Variants in GINM1 observed in about 807,000 individuals in gnomAD.
The protein encoded by GINM1 is glycosylated integral membrane protein 1.
GINM1 carries 29 observed loss-of-function variants against 37.8 expected under a neutral mutation model. The ratio of observed to expected loss-of-function variants is 0.77; its 90% confidence interval spans 0.57 to 1.05. The LOEUF is 1.05. GINM1 is among the 50% of genes least tolerant of loss of function. The pLI, the probability that GINM1 is intolerant of heterozygous loss-of-function variation, is 0.00. For missense variants in GINM1, 377 were observed against 397.9 expected (o/e 0.95, Z 0.45); for synonymous variants, 143 against 146.2 (o/e 0.98, Z 0.16).
At chr6:149,589,183 GTCC>G (rs901913574) in intron 7 of GINM1, among the ~76,000 whole-genome samples, 1 of 151,944 alleles carries the variant, frequency 6.6e-6, no homozygotes, top group Non-Finnish European at 1.5e-5. Flanking sequence ...GGCCCAAGCA[GTCC>G]TCCTGCTTCA....
At chr6:149,572,172 A>T (rs1777836643) in intron 1 of GINM1, 113 bp from the exon 2 acceptor site, 1 of 537,784 alleles carries the variant, frequency 1.9e-6, no homozygotes, top group Non-Finnish European at 3.3e-6. Context: ...AACTCTCTTA[A>T]TGCTGTTATA....
At chr6:149,585,063 A>AGG (rs1317096556) in intron 7 of GINM1, among the ~76,000 whole-genome samples, 2 of 152,146 alleles carry the variant, frequency 1.3e-5, no homozygotes, top group Non-Finnish European at 2.9e-5. Context: ...AAAATTCTGT[A>AGG]GTTTAACAGA....
chr6:149,589,378 T>C (rs1189084671), intron 7 of GINM1, among the ~76,000 whole-genome samples: 2 of 152,008 alleles, frequency 1.3e-5, no homozygotes, highest in African/African-American at 4.8e-5. Context: ...GGTCAAGAGA[T>C]TCTCCTGCCT....
chr6:149,584,249 C>T (rs193229317), intron 7 of GINM1, among the ~76,000 whole-genome samples: 1 of 152,286 alleles, frequency 6.6e-6, no homozygotes, highest in Admixed American at 6.5e-5. Context: ...TCCCAAAATG[C>T]TGGGATTACA....
At chr6:149,574,448 G>A (rs1483843255) in intron 3 of GINM1, among the ~76,000 whole-genome samples, 1 of 152,120 alleles carries the variant, frequency 6.6e-6, no homozygotes, top group Non-Finnish European at 1.5e-5. Context: ...CCTCCTTCTT[G>A]TTTCCTCTTT....
chr6:149,567,677 T>G (rs1777743085), intron 1 of GINM1, among the ~76,000 whole-genome samples: 2 of 152,128 alleles, frequency 1.3e-5, no homozygotes, highest in African/African-American at 4.8e-5. Context: ...GTTAACGTTT[T>G]AGGATAATGA....
chr6:149,577,473 C>T (rs117713512), intron 3 of GINM1: 2,290 of 153,110 alleles, frequency 0.015, 18 homozygotes, highest in Non-Finnish European at 0.024. Context: ...GTGAGAGGAC[C>T]GGGAACTTCA....
chr6:149,577,789 A>G (rs1777936394), intron 3 of GINM1, among the ~76,000 whole-genome samples: 1 of 152,196 alleles, frequency 6.6e-6, no homozygotes. Context: ...AAAATGCTCC[A>G]TCTGTGACAG....
chr6:149,581,489 A>C (rs1407881289), intron 6 of GINM1, among the ~76,000 whole-genome samples: 1 of 152,050 alleles, frequency 6.6e-6, no homozygotes, highest in African/African-American at 2.4e-5. Flanking sequence ...CCGTACTCCC[A>C]CTTTGGGGCA....
In GINM1 at chr6:149,579,983, CA is replaced by C; in HGVS notation, c.585del (p.Glu196LysfsTer21). On this transcript the variant is annotated frameshift_variant, in exon 5 of 8. Transcript: ENST00000367419. LOFTEE classifies it high-confidence loss of function. Reference protein sequence around the residue: ...DILFTLPNLSKKESVSSLQTT... With the variant: ...DILFTLPNLSXKESVSSLQTT... Reference sequence around the variant, plus strand: ...TTTTATTTACCCTTCCTAACCTCTCCAAAAAAGGTAACTTAAAAGACCATTA... The same window carrying C: ...TTTTATTTACCCTTCCTAACCTCTCCAAAAAGGTAACTTAAAAGACCATTA... 1.3e-6 allele frequency: 2 copies of C among 1,572,236 alleles called. No individual in the cohort carries two copies. The highest frequency in any genetic ancestry group is 1.7e-6 in the Non-Finnish European group (2 of 1,160,080).
Position 149,582,166 on chromosome 6 carries a change from T to C in GINM1, c.718-274T>C, listed in dbSNP as rs1010747598. 1.3e-5 allele frequency: 7 copies of C among 528,768 alleles called. No homozygotes were observed. In the East Asian group the frequency reaches 2.0e-4, roughly 15 times the overall value. 32.8% of individuals were successfully genotyped at this position (528,768 alleles called of 1,614,324 possible). On this transcript the variant is annotated intron_variant, in intron 6 of 7. Coordinates refer to ENST00000367419, the MANE Select transcript of GINM1 (RefSeq NM_138785.5). ...CACTTGATTTGTAGTTAGAAAACAA[T>C]ATAAATAATTTTACAGGCTATTAAC...
At chr6:149,586,815 G>A (rs1444510293) in intron 7 of GINM1, among the ~76,000 whole-genome samples, 1 of 152,088 alleles carries the variant, frequency 6.6e-6, no homozygotes, top group East Asian at 1.9e-4. Flanking sequence ...CAGTGGCTCA[G>A]TCATGGCTCA....
chr6:149,576,603 A>G (rs933126618), intron 3 of GINM1, among the ~76,000 whole-genome samples: 3 of 143,164 alleles, frequency 2.1e-5, no homozygotes, highest in Non-Finnish European at 4.4e-5. Context: ...ACAAAAAAAG[A>G]AAAAAAAATC....
chr6:149,580,171 A>T (rs890894330), intron 5 of GINM1, among the ~76,000 whole-genome samples, 181 bp downstream of exon 5: 2 of 152,212 alleles, frequency 1.3e-5, no homozygotes, highest in Non-Finnish European at 2.9e-5. Flanking sequence ...GTATTGCTTC[A>T]TATGTCCATT....
chr6:149,575,612 C>G (rs1260351010), intron 3 of GINM1, among the ~76,000 whole-genome samples: 2 of 152,102 alleles, frequency 1.3e-5, no homozygotes, highest in African/African-American at 4.8e-5. Context: ...TGCTGGCTGT[C>G]TTTAGCTTCT....
intron 1 of GINM1, among the ~76,000 whole-genome samples, chr6:149,569,881 A>G (rs1181332254): frequency 6.6e-6 from 1 of 151,886 alleles, no homozygotes; most frequent in Non-Finnish European, 1.5e-5. Context: ...AGTGTCCCCA[A>G]GCACTTTTTA....
At chr6:149,569,025 T>A (rs1224851687) in intron 1 of GINM1, among the ~76,000 whole-genome samples, 2 of 151,526 alleles carry the variant, frequency 1.3e-5, no homozygotes, top group East Asian at 3.9e-4. Context: ...TTTATTTTTT[T>A]ATTTTTTGTT....
chr6:149,579,033 A>G, intron 4 of GINM1, 60 bp downstream of exon 4: 3 of 1,058,668 alleles, frequency 2.8e-6, no homozygotes, highest in Non-Finnish European at 4.2e-6. Flanking sequence ...GCTAGATATT[A>G]TGCATGTGTT....
At chr6:149,569,255 C>G (rs1214394305) in intron 1 of GINM1, among the ~76,000 whole-genome samples, 1 of 150,466 alleles carries the variant, frequency 6.6e-6, no homozygotes, top group East Asian at 2.0e-4. Context: ...AGGTTGGTCT[C>G]GAACTCCTGA....
Sources: gnomAD v4.1 joint callset for allele counts (sites outside exome capture counted in the v4.1 genomes callset) on GRCh38, gnomAD v4.1.1 for gene constraint, MANE v1.5 for transcripts, NCBI Gene and HGNC (gene_info 2026-07-23, HGNC 2026-07-21) for gene names.